The following MAD1L1 variants were observed in gnomAD, a reference collection of about 807,000 sequenced individuals.
The protein encoded by MAD1L1 is mitotic arrest deficient 1 like 1, also known as mitotic spindle assembly checkpoint protein MAD1.
MAD1L1 carries 95 observed loss-of-function variants against 96.9 expected under a neutral mutation model. The observed-to-expected ratio is 0.98, with a 90% CI of 0.83 to 1.16. The LOEUF is 1.16. Among genes scored for constraint, MAD1L1 ranks in the 50% most tolerant of loss-of-function variants. The probability of loss-of-function intolerance (pLI) is 0.00; values close to 1 mark genes in which losing one functional copy is unlikely to be tolerated. For missense variants in MAD1L1, 1,007 were observed against 954.4 expected (o/e 1.06, Z -0.73); for synonymous variants, 473 against 396.6 (o/e 1.19, Z -2.29).
chr7:2,212,617 C>T (rs1637733), intron 10 of MAD1L1, among the ~76,000 whole-genome samples: 152,044 of 152,290 alleles, frequency 1, 75,899 homozygotes, highest in Middle Eastern at 1. Context: ...TTTTGCATTG[C>T]GGCGTGCCTG....
intron 12 of MAD1L1, among the ~76,000 whole-genome samples, chr7:2,040,927 G>C (rs1783645868): frequency 6.6e-6 from 1 of 152,222 alleles, no homozygotes; most frequent in Non-Finnish European, 1.5e-5. Flanking sequence ...CCTTCTACGT[G>C]ATGTGTGCCG....
At chr7:1,878,384 T>C (rs879770055) in intron 18 of MAD1L1, among the ~76,000 whole-genome samples, 4 of 152,068 alleles carry the variant, frequency 2.6e-5, no homozygotes, top group Admixed American at 2.6e-4. Flanking sequence ...CAGATGAATA[T>C]TGCACAAGAT....
chr7:1,872,397 G>T (rs910945316), intron 18 of MAD1L1, among the ~76,000 whole-genome samples: 2 of 152,162 alleles, frequency 1.3e-5, no homozygotes, highest in African/African-American at 4.8e-5. Flanking sequence ...CTGCTCCTGG[G>T]TGAGCCCTCA....
Position 2,229,816 on chromosome 7 carries a change from AG to A in MAD1L1, c.150+167del, listed in dbSNP as rs540182668. Among the ~76,000 whole-genome samples the A allele has an allele frequency of 7.3e-4, 111 of 152,394 alleles. 1 individual carries two copies. The highest frequency in any genetic ancestry group is 2.5e-3 in the African/African-American group (105 of 41,594). ...TGGCTCAGGGCCCCAACTAGCCTCC[AG>A]CTACGACCCCAAAATGAGGAGTGCC... On this transcript the variant is annotated intron_variant, in intron 3 of 18. Transcript: ENST00000265854.
At chr7:1,950,068 G>A (rs567434144) in intron 16 of MAD1L1, among the ~76,000 whole-genome samples, 2 of 140,888 alleles carry the variant, frequency 1.4e-5, no homozygotes, top group Non-Finnish European at 3.1e-5. Context: ...GGGGACAGCA[G>A]AGACTACTAG....
Position 2,060,323 on chromosome 7 carries a change from T to C in MAD1L1, c.1218+8871A>G, listed in dbSNP as rs562313908. ...CGCCGATCCCGAGATACGCCGATGCTGAGATACGCCAATGCCAAGATGTCG... is the reference window on the plus strand; with the variant it reads ...CGCCGATCCCGAGATACGCCGATGCCGAGATACGCCAATGCCAAGATGTCG... On this transcript the variant is annotated intron_variant, in intron 12 of 18. Transcript: ENST00000265854. Among the ~76,000 whole-genome samples, 24 of 136,298 alleles carry C rather than the reference T, an allele frequency of 1.8e-4. No homozygotes were observed. In the East Asian group the frequency reaches 1.9e-3, roughly 11 times the overall value. The allele number at this position is 136,298 out of a possible 152,430, so 89.4% of individuals were successfully genotyped here.
intron 18 of MAD1L1, among the ~76,000 whole-genome samples, chr7:1,864,930 C>G (rs991488349): frequency 2.0e-5 from 3 of 152,188 alleles, no homozygotes; most frequent in African/African-American, 7.2e-5. Context: ...CAGCAGAATC[C>G]TGTGTCGAAT....
At chr7:2,221,800 G>A (rs1279018671) in intron 5 of MAD1L1, among the ~76,000 whole-genome samples, 1 of 152,142 alleles carries the variant, frequency 6.6e-6, no homozygotes, top group East Asian at 1.9e-4. Context: ...GCTATTTCCA[G>A]AAAAGACCAC....
chr7:1,911,282 G>C (rs900594114), intron 17 of MAD1L1, among the ~76,000 whole-genome samples: 1 of 152,176 alleles, frequency 6.6e-6, no homozygotes, highest in South Asian at 2.1e-4. Flanking sequence ...CTTTACTAGA[G>C]TCCAAATTCT....
intron 13 of MAD1L1, among the ~76,000 whole-genome samples, chr7:2,003,230 G>C (rs1781884489): frequency 6.6e-6 from 1 of 152,352 alleles, no homozygotes; most frequent in African/African-American, 2.4e-5. Context: ...AAGTCACCAG[G>C]AGAAACGGGA....
intron 18 of MAD1L1, among the ~76,000 whole-genome samples, chr7:1,855,339 A>G (rs1784194174): frequency 6.6e-6 from 1 of 151,922 alleles, no homozygotes; most frequent in Non-Finnish European, 1.5e-5. Context: ...TCCAGCAGCG[A>G]TGACAGCGAC....
At chr7:1,978,823 A>G (rs1161943678) in intron 15 of MAD1L1, among the ~76,000 whole-genome samples, 1 of 152,134 alleles carries the variant, frequency 6.6e-6, no homozygotes, top group Non-Finnish European at 1.5e-5. Flanking sequence ...TCACCACTCC[A>G]TCAGCCTCCA....
chr7:2,146,905 G>A lies in MAD1L1; in HGVS notation c.1073+2247C>T, dbSNP rs1789337859. Among the ~76,000 whole-genome samples, 1 of 152,196 alleles carries A rather than the reference G, an allele frequency of 6.6e-6. No individual in the cohort carries two copies. On this transcript the variant is annotated intron_variant, in intron 11 of 18. Transcript: ENST00000265854. This position sits in a 1 kb window ranked among gnomAD's most constrained non-coding sequence, Gnocchi z 6.2. ...CCACGGAAGAGAGCAGCAGCCCAGAGGCCAGAACGCAAGCACCAAGGCCAC... is the reference window on the plus strand; with the variant it reads ...CCACGGAAGAGAGCAGCAGCCCAGAAGCCAGAACGCAAGCACCAAGGCCAC...
chr7:2,196,566 G>A (rs577514264), intron 10 of MAD1L1, among the ~76,000 whole-genome samples: 11 of 152,338 alleles, frequency 7.2e-5, no homozygotes, highest in African/African-American at 2.2e-4. Context: ...TCGTCACAGC[G>A]TCGCCAGAGC....
At chr7:1,943,605 C>T (rs374231547) in intron 16 of MAD1L1, among the ~76,000 whole-genome samples, 3 of 152,150 alleles carry the variant, frequency 2.0e-5, no homozygotes, top group Non-Finnish European at 4.4e-5. Context: ...TGGGAAGTCA[C>T]GCAACAACAC....
At chr7:1,958,091 A>G (rs1779805509) in intron 15 of MAD1L1, among the ~76,000 whole-genome samples, 1 of 152,208 alleles carries the variant, frequency 6.6e-6, no homozygotes, top group Non-Finnish European at 1.5e-5. Context: ...AGTGCAGGGG[A>G]CACTGAGGGA....
At chr7:2,076,946 A>G (rs1174692955) in intron 11 of MAD1L1, among the ~76,000 whole-genome samples, 3 of 146,092 alleles carry the variant, frequency 2.1e-5, no homozygotes, top group Non-Finnish European at 3.0e-5. Context: ...GTTATGGCAC[A>G]GTGAGCCCGC....
In MAD1L1 at chr7:2,222,652, T is replaced by C; in HGVS notation, c.394A>G (p.Arg132Gly). 6.2e-7 allele frequency: 1 copy of C among 1,613,394 alleles called. No individual in the cohort carries two copies. The part of the protein sequence containing the change: ...EKMQEQLERN[R>G]QCQQNLDAAS... ...GCATCCAAGTTCTGCTGACACTGCC[T>C]GTTGCGCTCCAGCTGCTCCTGCATC... Residue 132 changes from arginine (R) to glycine (G), a missense_variant, in exon 5 of 19, where the codon AGG becomes GGG. Arg to Gly is a moderately radical substitution (Grantham distance 125). Transcript: ENST00000265854.
chr7:1,832,633 C>CGGGGG (rs1277645069), intron 18 of MAD1L1, among the ~76,000 whole-genome samples: 1 of 2,014 alleles, frequency 5.0e-4, no homozygotes, highest in African/African-American at 2.5e-3. Flanking sequence ...TTTTTTTTGG[C>CGGGGG]GGGGGGGGGG....
Sources: gnomAD v4.1 joint callset for allele counts (sites outside exome capture counted in the v4.1 genomes callset) on GRCh38, gnomAD v4.1.1 for gene constraint, Gnocchi (gnomAD v3.1) non-coding constraint, MANE v1.5 for transcripts, NCBI Gene and HGNC (gene_info 2026-07-23, HGNC 2026-07-21) for gene names.